Variants in RBMS3 observed in about 807,000 individuals in gnomAD.
RBMS3 encodes the protein RNA binding motif single stranded interacting protein 3, also known as RNA-binding motif, single-stranded-interacting protein 3.
Under a neutral mutation model 66.8 loss-of-function variants are expected in RBMS3, and 27 were observed. That is an observed-to-expected ratio of 0.40 (90% confidence interval 0.30 to 0.56). The LOEUF is 0.56. Among genes scored for constraint, RBMS3 ranks in the 20% least tolerant of loss-of-function variants. The pLI is 0.40. For missense variants in RBMS3, 513 were observed against 549.5 expected (o/e 0.93, Z 0.66); for synonymous variants, 188 against 183.0 (o/e 1.03, Z -0.22).
At chr3:29,836,885 A>G (rs1363029446) in intron 6 of RBMS3, among the ~76,000 whole-genome samples, 1 of 151,782 alleles carries the variant, frequency 6.6e-6, no homozygotes, top group Non-Finnish European at 1.5e-5. Flanking sequence ...GTGGGGAGAA[A>G]ACCTCTAATG....
At chr3:29,918,073 C>A (rs1245632921) in intron 10 of RBMS3, among the ~76,000 whole-genome samples, 2 of 152,106 alleles carry the variant, frequency 1.3e-5, no homozygotes, top group African/African-American at 2.4e-5. Flanking sequence ...TCACTAATAT[C>A]ACACAAGTTG....
At chr3:29,348,423 G>A (rs762005977) in intron 1 of RBMS3, among the ~76,000 whole-genome samples, 37 of 151,988 alleles carry the variant, frequency 2.4e-4, no homozygotes, top group African/African-American at 8.7e-4. Flanking sequence ...ATTGTTCATC[G>A]AGCATATAGT....
intron 6 of RBMS3, among the ~76,000 whole-genome samples, chr3:29,778,399 T>C (rs2056499426): frequency 6.6e-6 from 1 of 151,712 alleles, no homozygotes; most frequent in African/African-American, 2.4e-5. Context: ...GAAATGTTTC[T>C]GATCCCCTGT....
intron 2 of RBMS3, among the ~76,000 whole-genome samples, chr3:29,474,305 A>G (rs1315518313): frequency 6.6e-6 from 1 of 152,158 alleles, no homozygotes; most frequent in East Asian, 1.9e-4. Context: ...GTTTGAATAA[A>G]CCTAATATAT....
intron 6 of RBMS3, among the ~76,000 whole-genome samples, chr3:29,802,449 C>G (rs925590554): frequency 2.0e-5 from 3 of 151,922 alleles, no homozygotes; most frequent in Non-Finnish European, 4.4e-5. Context: ...AAAATATGCC[C>G]GATTATTTGA....
intron 6 of RBMS3, among the ~76,000 whole-genome samples, chr3:29,802,206 A>T (rs1474459726): frequency 6.6e-6 from 1 of 152,174 alleles, no homozygotes; most frequent in Non-Finnish European, 1.5e-5. Context: ...CAGATTAAGG[A>T]TCAGCCCAGG....
In RBMS3 at chr3:29,989,996, CTAAT is replaced by C. The variant is rs760584000; in HGVS notation, c.1180-1083_1180-1080del. Among the ~76,000 whole-genome samples the C allele has an allele frequency of 9.2e-5, 14 of 152,080 alleles. No individual in the cohort carries two copies. In the East Asian group the frequency reaches 1.7e-3, roughly 19 times the overall value. On this transcript the variant is annotated intron_variant, in intron 13 of 14. Transcript: ENST00000383767. ...GACAGCGTGGCTTATTGGAAACAGT[CTAAT>C]TATATTTAGGGATTAAAAGAAATAT...
At chr3:29,726,497 CA>C (rs1473912732) in intron 4 of RBMS3, among the ~76,000 whole-genome samples, 1 of 152,170 alleles carries the variant, frequency 6.6e-6, no homozygotes, top group Non-Finnish European at 1.5e-5. Context: ...TGCTGATAAG[CA>C]ACTTGAGCAA....
At chr3:29,636,796 T>C (rs1331554192) in intron 4 of RBMS3, among the ~76,000 whole-genome samples, 2 of 151,886 alleles carry the variant, frequency 1.3e-5, no homozygotes, top group African/African-American at 4.8e-5. Context: ...GTTTTCCAAA[T>C]AGGTATATGG....
At chr3:29,351,392 CTG>C (rs1429200289) in intron 1 of RBMS3, among the ~76,000 whole-genome samples, 2 of 146,510 alleles carry the variant, frequency 1.4e-5, no homozygotes, top group Non-Finnish European at 2.9e-5. Flanking sequence ...GTACAGTTTT[CTG>C]TGTTTCCTCA....
At chr3:29,741,854 G>T (rs1186600355) in intron 5 of RBMS3, among the ~76,000 whole-genome samples, 1 of 152,056 alleles carries the variant, frequency 6.6e-6, no homozygotes, top group African/African-American at 2.4e-5. Context: ...TCCTCACATG[G>T]TCTTCCTTCT....
chr3:29,340,235 A>G (rs1267579068), intron 1 of RBMS3, among the ~76,000 whole-genome samples: 2 of 152,134 alleles, frequency 1.3e-5, no homozygotes, highest in Non-Finnish European at 2.9e-5. Context: ...TAAGTATTTC[A>G]GAGGTGGTAG....
intron 3 of RBMS3, among the ~76,000 whole-genome samples, chr3:29,495,516 A>C (rs902490041): frequency 6.7e-6 from 1 of 149,028 alleles, no homozygotes; most frequent in Non-Finnish European, 1.5e-5. Context: ...CACCTCCAGC[A>C]ATTATTCTCC....
At chr3:29,996,595 G>A (rs1375357449) in intron 14 of RBMS3, among the ~76,000 whole-genome samples, 1 of 149,550 alleles carries the variant, frequency 6.7e-6, no homozygotes, top group Non-Finnish European at 1.5e-5. Flanking sequence ...AATCAAACTA[G>A]AACTCAGGAT....
chr3:29,409,519 G>T (rs2040177244), intron 1 of RBMS3, among the ~76,000 whole-genome samples: 2 of 152,192 alleles, frequency 1.3e-5, no homozygotes, highest in African/African-American at 4.8e-5. Context: ...TTATGTTGTT[G>T]GGATTATTTC....
chr3:29,642,018 G>T (rs1332108695), intron 4 of RBMS3, among the ~76,000 whole-genome samples: 1 of 152,106 alleles, frequency 6.6e-6, no homozygotes, highest in Non-Finnish European at 1.5e-5. Flanking sequence ...GGCATTTTAT[G>T]AAGAGATACA....
At chr3:29,491,786 G>A (rs929131319) in intron 3 of RBMS3, among the ~76,000 whole-genome samples, 2 of 152,224 alleles carry the variant, frequency 1.3e-5, no homozygotes, top group Non-Finnish European at 2.9e-5. Flanking sequence ...AAGGTCAGGA[G>A]ATCGAGACCA....
intron 4 of RBMS3, among the ~76,000 whole-genome samples, chr3:29,600,596 C>T (rs1328492767): frequency 3.9e-5 from 6 of 152,034 alleles, no homozygotes; most frequent in Non-Finnish European, 8.8e-5. Flanking sequence ...ACAAAACTGA[C>T]TAAGACACAG....
At chr3:29,827,366 G>T (rs1461889777) in intron 6 of RBMS3, among the ~76,000 whole-genome samples, 1 of 152,176 alleles carries the variant, frequency 6.6e-6, no homozygotes, top group African/African-American at 2.4e-5. Flanking sequence ...TGAATGTGAG[G>T]ATGGTGATCC....
Sources: allele counts gnomAD v4.1 joint callset (sites outside exome capture counted in the v4.1 genomes callset), GRCh38; gene constraint gnomAD v4.1.1; transcripts MANE v1.5; gene names NCBI Gene and HGNC (gene_info 2026-07-23, HGNC 2026-07-21).